Variants in CTNNA3 observed in about 807,000 individuals in gnomAD.
The protein encoded by CTNNA3 is catenin alpha 3, also known as catenin alpha-3.
Under a neutral mutation model 95.7 loss-of-function variants are expected in CTNNA3, and 76 were observed. That is an observed-to-expected ratio of 0.79 (90% CI 0.66 to 0.96). The LOEUF is 0.96. CTNNA3 is among the 40% of genes least tolerant of loss of function. CTNNA3 has a pLI of 0.00. For synonymous variants in CTNNA3, 431 were observed against 374.4 expected (o/e 1.15, Z -1.74); for missense variants, 1,191 against 1,089.8 (o/e 1.09, Z -1.31).
At chr10:66,244,603 A>G (rs2090234226) in intron 13 of CTNNA3, among the ~76,000 whole-genome samples, 1 of 151,962 alleles carries the variant, frequency 6.6e-6, no homozygotes, top group South Asian at 2.1e-4. Context: ...CTGCCTGGTA[A>G]TTCGGAGAAT....
At chr10:67,699,793 C>A (rs927033111), upstream of CTNNA3, among the ~76,000 whole-genome samples, 2 of 152,178 alleles carry the variant, frequency 1.3e-5, no homozygotes, top group African/African-American at 4.8e-5. Flanking sequence ...GTGCAGTGCA[C>A]CGTTCGCGAG....
intron 9 of CTNNA3, among the ~76,000 whole-genome samples, chr10:66,683,000 C>G (rs964064256): frequency 6.6e-6 from 1 of 152,090 alleles, no homozygotes; most frequent in African/African-American, 2.4e-5. Context: ...ATTGCCAGAT[C>G]TTAACGTTGT....
At chr10:66,015,229 G>T (rs2079072342) in intron 15 of CTNNA3, among the ~76,000 whole-genome samples, 1 of 152,082 alleles carries the variant, frequency 6.6e-6, no homozygotes, top group South Asian at 2.1e-4. Context: ...AGAATTCCTT[G>T]ATTCTATCAG....
At chr10:67,269,211 G>A (rs1465298668) in intron 5 of CTNNA3, among the ~76,000 whole-genome samples, 1 of 152,088 alleles carries the variant, frequency 6.6e-6, no homozygotes, top group African/African-American at 2.4e-5. Flanking sequence ...ATAACAGAAA[G>A]GTTGGAGTCA....
chr10:66,418,326 A>C (rs969981572), intron 11 of CTNNA3, among the ~76,000 whole-genome samples: 22 of 145,468 alleles, frequency 1.5e-4, no homozygotes, highest in Non-Finnish European at 2.3e-4. Flanking sequence ...TTGAATCAGG[A>C]AGAAATAGTA....
intron 9 of CTNNA3, among the ~76,000 whole-genome samples, chr10:66,742,737 G>C (rs183112985): frequency 6.6e-6 from 1 of 152,212 alleles, no homozygotes; most frequent in Admixed American, 6.5e-5. Context: ...AATACACCAG[G>C]ATTCTCTCAT....
intron 10 of CTNNA3, among the ~76,000 whole-genome samples, chr10:66,534,114 G>C (rs1365605184): frequency 6.6e-6 from 1 of 152,042 alleles, no homozygotes; most frequent in Non-Finnish European, 1.5e-5. Flanking sequence ...AGTGAGTCTC[G>C]AGTTAGCAAA....
intron 12 of CTNNA3, among the ~76,000 whole-genome samples, chr10:66,363,372 G>A (rs1008882602): frequency 6.6e-6 from 1 of 152,098 alleles, no homozygotes; most frequent in Non-Finnish European, 1.5e-5. Context: ...AATGGGATTA[G>A]TGCCCTTATA....
intron 1 of CTNNA3, among the ~76,000 whole-genome samples, chr10:67,732,597 T>C (rs1208986259): frequency 6.6e-6 from 1 of 152,180 alleles, no homozygotes; most frequent in African/African-American, 2.4e-5. Context: ...AGTAATAGAA[T>C]GGCCTTAAAT....
At chr10:66,399,643 T>G (rs2093004874) in intron 11 of CTNNA3, among the ~76,000 whole-genome samples, 1 of 151,978 alleles carries the variant, frequency 6.6e-6, no homozygotes, top group South Asian at 2.1e-4. Flanking sequence ...TTGTTCCTTA[T>G]CCTACTATAC....
At chr10:67,193,437 T>C (rs1292293962) in intron 6 of CTNNA3, among the ~76,000 whole-genome samples, 3 of 152,038 alleles carry the variant, frequency 2.0e-5, no homozygotes, top group African/African-American at 7.2e-5. Context: ...TTACAGATTA[T>C]TTTGTCACCA....
At chr10:67,253,239 T>C (rs1866180678) in intron 5 of CTNNA3, among the ~76,000 whole-genome samples, 1 of 152,190 alleles carries the variant, frequency 6.6e-6, no homozygotes, top group Non-Finnish European at 1.5e-5. Flanking sequence ...ACAGCATAGA[T>C]GTGCTAGAGG....
At chr10:67,243,057 G>T (rs993922549) in intron 5 of CTNNA3, among the ~76,000 whole-genome samples, 1 of 152,034 alleles carries the variant, frequency 6.6e-6, no homozygotes, top group African/African-American at 2.4e-5. Context: ...TTTCTTAGAT[G>T]ACAGCAACCT....
chr10:66,181,098 CTA>C (rs34894372), intron 13 of CTNNA3, among the ~76,000 whole-genome samples: 11,368 of 152,150 alleles, frequency 0.075, 530 homozygotes, highest in Admixed American at 0.12. Flanking sequence ...ACTCAAAACA[CTA>C]TGAGTACAAA....
At chr10:66,833,799 T>C (rs1042661803) in intron 7 of CTNNA3, among the ~76,000 whole-genome samples, 3 of 152,212 alleles carry the variant, frequency 2.0e-5, no homozygotes, top group Non-Finnish European at 2.9e-5. Flanking sequence ...AAGGCTCCTC[T>C]TCCATGTGTT....
chr10:67,440,139 T>G (rs1018552801), intron 5 of CTNNA3, among the ~76,000 whole-genome samples: 1 of 152,152 alleles, frequency 6.6e-6, no homozygotes, highest in Admixed American at 6.5e-5. Flanking sequence ...CCTGGCAGCG[T>G]TCACCACAAG....
intron 7 of CTNNA3, among the ~76,000 whole-genome samples, chr10:66,996,649 CA>C (rs57025097): frequency 0.2 from 13,141 of 65,268 alleles, 238 homozygotes; most frequent in Middle Eastern, 0.32. Context: ...TCCGTCTCTA[CA>C]AAAAAAAAAA....
At chr10:66,975,470 G>A (rs898126596) in intron 7 of CTNNA3, among the ~76,000 whole-genome samples, 10 of 152,132 alleles carry the variant, frequency 6.6e-5, no homozygotes, top group African/African-American at 2.2e-4. Context: ...AGTTGGAAAG[G>A]TTTCCCTTTC....
At chr10:67,115,012 T>C (rs1859101094) in intron 7 of CTNNA3, among the ~76,000 whole-genome samples, 1 of 152,126 alleles carries the variant, frequency 6.6e-6, no homozygotes, top group South Asian at 2.1e-4. Context: ...TAGCATGTCT[T>C]GTCGTATGCC....
Sources: allele counts gnomAD v4.1 joint callset (sites outside exome capture counted in the v4.1 genomes callset), GRCh38; gene constraint gnomAD v4.1.1; transcripts MANE v1.5; gene names NCBI Gene and HGNC (gene_info 2026-07-23, HGNC 2026-07-21).